Variants in RBFOX1 observed in about 807,000 individuals in gnomAD.
The protein encoded by RBFOX1 is RNA binding protein fox-1 homolog 1.
RBFOX1 carries 8 observed loss-of-function variants against 57.7 expected under a neutral mutation model. The observed-to-expected ratio is 0.14, with a 90% CI of 0.08 to 0.25. The LOEUF (loss-of-function observed/expected upper bound fraction) is 0.25, where lower values mean the gene tolerates loss of function less well. Ranked by LOEUF, RBFOX1 falls within the 10% of genes least tolerant of loss-of-function variation. The probability of loss-of-function intolerance (pLI) is 1.00; values close to 1 mark genes in which losing one functional copy is unlikely to be tolerated. For synonymous variants in RBFOX1, 326 were observed against 222.4 expected (o/e 1.47, Z -4.15); for missense variants, 611 against 548.5 (o/e 1.11, Z -1.14).
Position 5,631,488 on chromosome 16 carries a change from C to T in RBFOX1, c.318+32527C>T, listed in dbSNP as rs889608752. Among the ~76,000 whole-genome samples the T allele has an allele frequency of 1.1e-4, 16 of 150,924 alleles. 1 individual carries two copies. Among genetic ancestry groups the T allele is most frequent in the Non-Finnish European group, 1.5e-5 (1 of 67,860 alleles). On this transcript the variant is annotated intron_variant, in intron 3 of 19. Coordinates refer to the RBFOX1 transcript ENST00000641259. The stretch of plus-strand genomic sequence containing the variant: ...AGGAGAATCTCTTGAACCAAGGAGG[C>T]GGAGGTTGCAGTGAGCCGAGATCGC...
intron 3 of RBFOX1, among the ~76,000 whole-genome samples, chr16:5,821,107 G>T (rs971425200): frequency 7.2e-5 from 11 of 151,980 alleles, no homozygotes; most frequent in Admixed American, 2.0e-4. Flanking sequence ...CCCCCATCAG[G>T]ACCAAACTCA....
At chr16:6,975,357 C>A (rs1466066255) in intron 3 of RBFOX1, among the ~76,000 whole-genome samples, 1 of 152,084 alleles carries the variant, frequency 6.6e-6, no homozygotes, top group African/African-American at 2.4e-5. Flanking sequence ...TCTCCGACTC[C>A]TGGGTTCAAG....
At chr16:5,269,041 C>T (rs751810103) in intron 1 of RBFOX1, among the ~76,000 whole-genome samples, 3 of 144,700 alleles carry the variant, frequency 2.1e-5, no homozygotes, top group Non-Finnish European at 4.6e-5. Context: ...CAGCTTCCCG[C>T]GTAGCTGGGA....
At chr16:6,210,005 G>A (rs532704938) in intron 1 of RBFOX1, among the ~76,000 whole-genome samples, 3 of 151,826 alleles carry the variant, frequency 2.0e-5, no homozygotes, top group African/African-American at 7.2e-5. Flanking sequence ...CTCCATCTAG[G>A]AACATGACAA....
chr16:5,951,853 CGT>C (rs144410123), intron 4 of RBFOX1, among the ~76,000 whole-genome samples: 6,050 of 150,710 alleles, frequency 0.04, 393 homozygotes, highest in African/African-American at 0.14. Context: ...AGTGTGTGCG[CGT>C]GTGTGTGTGT....
At chr16:5,527,212 T>A (rs753034337) in intron 2 of RBFOX1, among the ~76,000 whole-genome samples, 7 of 152,178 alleles carry the variant, frequency 4.6e-5, no homozygotes, top group Admixed American at 1.3e-4. Flanking sequence ...GTTGTCCTGA[T>A]GAGGACCCGC....
At chr16:7,617,399 G>A (rs1002625098) in intron 10 of RBFOX1, among the ~76,000 whole-genome samples, 2 of 152,076 alleles carry the variant, frequency 1.3e-5, no homozygotes, top group African/African-American at 4.8e-5. Context: ...CCAAAAACGT[G>A]AAAGCCATTC....
chr16:6,904,125 G>C (rs1006027957), intron 3 of RBFOX1, among the ~76,000 whole-genome samples: 1 of 152,162 alleles, frequency 6.6e-6, no homozygotes, highest in African/African-American at 2.4e-5. Context: ...TAATAGTGCA[G>C]TTCGTTCTCA....
chr16:6,870,405 C>T (rs1342458629), intron 3 of RBFOX1, among the ~76,000 whole-genome samples: 1 of 152,152 alleles, frequency 6.6e-6, no homozygotes, highest in Non-Finnish European at 1.5e-5. Context: ...ATTGTTTCAG[C>T]AAGTCTTACC....
chr16:7,527,662 G>C (rs1462527653), intron 5 of RBFOX1, among the ~76,000 whole-genome samples: 2 of 152,092 alleles, frequency 1.3e-5, no homozygotes, highest in African/African-American at 4.8e-5. Flanking sequence ...TAACTTCTCT[G>C]AGCCTGTTCT....
chr16:6,468,814 G>A (rs1220936460), intron 2 of RBFOX1, among the ~76,000 whole-genome samples: 1 of 151,618 alleles, frequency 6.6e-6, no homozygotes, highest in Admixed American at 6.6e-5. Context: ...AAGTTCAGTG[G>A]TACATATGCA....
chr16:7,444,414 G>A (rs1303022472), intron 4 of RBFOX1, among the ~76,000 whole-genome samples: 1 of 152,130 alleles, frequency 6.6e-6, no homozygotes, highest in Admixed American at 6.5e-5. Flanking sequence ...ATGGCAGTAT[G>A]GGGAAAAGAG....
At chr16:5,647,037 G>A (rs1480597413) in intron 3 of RBFOX1, among the ~76,000 whole-genome samples, 3 of 152,158 alleles carry the variant, frequency 2.0e-5, no homozygotes, top group Non-Finnish European at 4.4e-5. Context: ...ATTCCTGTGT[G>A]AAATACACTA....
chr16:7,110,618 C>T (rs750980), intron 4 of RBFOX1, among the ~76,000 whole-genome samples: 2,428 of 152,208 alleles, frequency 0.016, 72 homozygotes, highest in African/African-American at 0.055. Flanking sequence ...GCTCTGGTGA[C>T]ATTTGGCATA....
intron 3 of RBFOX1, among the ~76,000 whole-genome samples, chr16:7,044,780 C>G (rs190299414): frequency 6.6e-6 from 1 of 152,240 alleles, no homozygotes; most frequent in East Asian, 1.9e-4. Context: ...TCAAGGCTAG[C>G]TTTTAAAGAA....
intron 11 of RBFOX1, among the ~76,000 whole-genome samples, chr16:7,638,072 A>G (rs552069641): frequency 6.6e-6 from 1 of 152,168 alleles, no homozygotes; most frequent in South Asian, 2.1e-4. Flanking sequence ...AACATGATCT[A>G]TCTCCATTAC....
chr16:7,150,897 A>G lies in RBFOX1; in HGVS notation c.27+98799A>G, dbSNP rs149442644. On this transcript the variant is annotated intron_variant, in intron 4 of 15. Coordinates refer to ENST00000550418, the MANE Select transcript of RBFOX1 (RefSeq NM_018723.4). ...TTATAATTATGATGGTAGTTCCCCT[A>G]TTATTAGGGCTGAGTAGGTGTTCCC... Among the ~76,000 whole-genome samples the G allele has an allele frequency of 4.4e-3, 664 of 152,260 alleles. 2 individuals carry two copies. The highest frequency in any genetic ancestry group is 0.015 in the African/African-American group (636 of 41,568).
chr16:6,660,008 C>T (rs938005106), intron 3 of RBFOX1, among the ~76,000 whole-genome samples: 2 of 151,926 alleles, frequency 1.3e-5, no homozygotes, highest in African/African-American at 4.8e-5. Context: ...AGGCGGCCTC[C>T]AAGATCAGGA....
At chr16:6,855,846 T>TTCCCTCCCTCC (rs2057775975) in intron 3 of RBFOX1, among the ~76,000 whole-genome samples, 1 of 38,208 alleles carries the variant, frequency 2.6e-5, no homozygotes, top group African/African-American at 3.3e-4. Context: ...TCCCTCCCTC[T>TTCCCTCCCTCC]TTCCCTCCCT....
Sources: allele counts gnomAD v4.1 joint callset (sites outside exome capture counted in the v4.1 genomes callset), GRCh38; gene constraint gnomAD v4.1.1; transcripts MANE v1.5; gene names NCBI Gene and HGNC (gene_info 2026-07-23, HGNC 2026-07-21).